Variants in LRP11 observed in about 807,000 individuals in gnomAD.
The protein encoded by LRP11 is LDL receptor related protein 11, also known as low-density lipoprotein receptor-related protein 11.
In LRP11, 25 loss-of-function variants were observed where a neutral mutation model predicts 43.1. The observed-to-expected ratio is 0.58, with a 90% CI of 0.42 to 0.81. The LOEUF is 0.81. Ranked by LOEUF, LRP11 falls within the 30% of genes least tolerant of loss-of-function variation. The pLI is 0.00. For synonymous variants in LRP11, 316 were observed against 299.4 expected (o/e 1.06, Z -0.57); for missense variants, 623 against 665.1 (o/e 0.94, Z 0.70).
chr6:149,849,176 C>T (rs895480679), intron 2 of LRP11, among the ~76,000 whole-genome samples: 8 of 152,162 alleles, frequency 5.3e-5, no homozygotes, highest in Admixed American at 2.0e-4. Flanking sequence ...AATCAATATA[C>T]TGATTTATGA....
rs750785477 is a variant in LRP11 at position 149,826,393 on chromosome 6, G to A, written c.1253-34C>T. The A allele has an allele frequency of 1.1e-5, 16 of 1,455,604 alleles. No individual in the cohort carries two copies. The South Asian group carries it at 1.2e-4, about 11-fold the overall frequency. The allele number at this position is 1,455,604 out of a possible 1,614,324, so 90.2% of individuals were successfully genotyped here. A position where few individuals can be genotyped will look rare whatever the true frequency, so the allele number is the denominator to read the frequency against. The stretch of plus-strand genomic sequence containing the variant: ...AAGAAAGAGAACATATATTGAAGGT[G>A]TATGCATCAGAAACTTCAGGAAACA... On this transcript the variant is annotated intron_variant, in intron 5 of 6. Transcript: ENST00000239367.
chr6:149,836,424 A>G (rs1583081426), intron 4 of LRP11, 127 bp from the exon 5 acceptor site: 1 of 728,018 alleles, frequency 1.4e-6, no homozygotes, highest in African/African-American at 1.8e-5. Flanking sequence ...CATCTAAGAC[A>G]TGTCAGAGGA....
At position 149,863,452 on chromosome 6, in the gene LRP11, G is replaced by C. The variant is rs1322161076; in HGVS notation, c.569C>G (p.Pro190Arg). The C allele has an allele frequency of 2.3e-6, 3 of 1,324,210 alleles. No homozygotes were observed. In the South Asian group the frequency reaches 6.5e-5, roughly 29 times the overall value. 82.0% of individuals were successfully genotyped at this position (1,324,210 alleles called of 1,614,324 possible). The change falls in exon 1 of 7, where the codon CCG becomes CGG. Residue 190 changes from proline to arginine, a missense_variant. Physicochemically the swap from Pro to Arg is moderately radical, Grantham distance 103 (BLOSUM62 -2). Coordinates refer to ENST00000239367, the MANE Select transcript of LRP11 (RefSeq NM_032832.6). ...CGCGGTGGCCAGGGCGGCGCCGTCC[G>C]GCGCGCGGCTGAGGCTGTAGCTGCT... Reference protein sequence around the residue: ...GYSSYSLSRAPDGAALATARA... With the variant: ...GYSSYSLSRARDGAALATARA...
chr6:149,860,296 G>A (rs1163100836), intron 1 of LRP11, among the ~76,000 whole-genome samples: 4 of 152,092 alleles, frequency 2.6e-5, no homozygotes, highest in Non-Finnish European at 4.4e-5. Context: ...CTGGACTTCA[G>A]GCTGAATATC....
At chr6:149,828,993 T>G (rs539786978) in intron 5 of LRP11, among the ~76,000 whole-genome samples, 47 of 152,230 alleles carry the variant, frequency 3.1e-4, no homozygotes, top group Admixed American at 1.3e-3. Context: ...ATTTGTTCTG[T>G]AGAGATATAA....
chr6:149,824,213 C>G (rs1776311200), intron 6 of LRP11, among the ~76,000 whole-genome samples: 1 of 152,152 alleles, frequency 6.6e-6, no homozygotes, highest in Admixed American at 6.5e-5. Context: ...GGTTATGAAG[C>G]TGTGGTTGAA....
intron 3 of LRP11, among the ~76,000 whole-genome samples, chr6:149,839,061 GTT>G (rs869148170): frequency 1.5e-5 from 2 of 136,980 alleles, no homozygotes; most frequent in Non-Finnish European, 3.2e-5. Context: ...GTTTTTTTTT[GTT>G]TTTTTTTTTT....
In LRP11 at chr6:149,827,901, A is replaced by G. The variant is rs1012016338; in HGVS notation, c.1253-1542T>C. Among the ~76,000 whole-genome samples the G allele has an allele frequency of 5.3e-5, 8 of 151,996 alleles. No homozygotes were observed. The highest frequency in any genetic ancestry group is 3.9e-4 in the Admixed American group (6 of 15,262). On this transcript the variant is annotated intron_variant, in intron 5 of 6. Coordinates refer to ENST00000239367, the MANE Select transcript of LRP11 (RefSeq NM_032832.6). This position sits in a 1 kb window ranked among gnomAD's most constrained non-coding sequence, Gnocchi z 4.2. Reference sequence around the variant, plus strand: ...TTAGCCAGGCATGGTGGGCGCCTGTAGTCCCAGCTGCTGGGGAGGCTGAGG... The same window carrying G: ...TTAGCCAGGCATGGTGGGCGCCTGTGGTCCCAGCTGCTGGGGAGGCTGAGG...
At chr6:149,841,699 G>A (rs1776551060) in intron 3 of LRP11, among the ~76,000 whole-genome samples, 1 of 152,120 alleles carries the variant, frequency 6.6e-6, no homozygotes, top group African/African-American at 2.4e-5. Context: ...GATCACCTGA[G>A]GTCAGGAATT....
chr6:149,863,777 C>T lies in LRP11; in HGVS notation c.244G>A (p.Gly82Ser). 2 of 1,479,994 alleles carry T rather than the reference C, an allele frequency of 1.4e-6. No individual in the cohort carries two copies. The highest frequency in any genetic ancestry group is 1.8e-6 in the Non-Finnish European group (2 of 1,122,246). The allele number at this position is 1,479,994 out of a possible 1,614,324, so 91.7% of individuals were successfully genotyped here. ...QEELELELRAGGGPQEDCPGP... is the reference protein window; with the variant it reads ...QEELELELRASGGPQEDCPGP... ...GGGCAGTCCTCCTGGGGGCCGCCGCCCGCGCGCAGCTCCAGCTCCAGCTCC... is the reference window on the plus strand; with the variant it reads ...GGGCAGTCCTCCTGGGGGCCGCCGCTCGCGCGCAGCTCCAGCTCCAGCTCC... Residue 82 changes from glycine (G) to serine (S), a missense_variant, in exon 1 of 7, where the codon GGC becomes AGC. Physicochemically the swap from Gly to Ser is moderately conservative, Grantham distance 56 (BLOSUM62 0). Transcript: ENST00000239367.
intron 6 of LRP11, among the ~76,000 whole-genome samples, chr6:149,822,931 T>TA (rs1776294875): frequency 6.6e-6 from 1 of 152,098 alleles, no homozygotes; most frequent in Non-Finnish European, 1.5e-5. Flanking sequence ...TGGGCCTAAA[T>TA]ATGTGGGAGC....
In LRP11 at chr6:149,823,084, CAGA is replaced by C. The variant is rs201870682; in HGVS notation, c.1349-2384_1349-2382del. Among the ~76,000 whole-genome samples the C allele has an allele frequency of 8.5e-3, 1,277 of 150,610 alleles. 9 individuals carry two copies. Among genetic ancestry groups the C allele is most frequent in the Non-Finnish European group, 0.013 (857 of 67,714 alleles). ...ACAAAAGCAGAGGACCAAAAAAAAA[CAGA>C]AGAAGACCAGTCAGAGAAATAGGAG... On this transcript the variant is annotated intron_variant, in intron 6 of 6. Transcript: ENST00000239367.
In LRP11 at chr6:149,819,975, C is replaced by G. The variant is rs1414774212; in HGVS notation, c.*574G>C. The G allele has an allele frequency of 6.6e-6, 1 of 152,396 alleles. No individual in the cohort carries two copies. Among genetic ancestry groups the G allele is most frequent in the Non-Finnish European group, 1.5e-5 (1 of 68,240 alleles). 9.4% of individuals were successfully genotyped at this position (152,396 alleles called of 1,614,324 possible). On this transcript the variant is annotated 3_prime_UTR_variant, in exon 7 of 7. Coordinates refer to ENST00000239367, the MANE Select transcript of LRP11 (RefSeq NM_032832.6). ...GACGTCAGAGGGATTAGGAAGGACC[C>G]ACACTCACCTTCCCTAAGGCTTACT...
chr6:149,852,762 A>G (rs1165445163), intron 2 of LRP11, among the ~76,000 whole-genome samples: 1 of 152,238 alleles, frequency 6.6e-6, no homozygotes, highest in Non-Finnish European at 1.5e-5. Context: ...CCTCTAGACA[A>G]GTCACAAACA....
At chr6:149,839,954 C>T (rs1413638407) in intron 3 of LRP11, among the ~76,000 whole-genome samples, 1 of 152,132 alleles carries the variant, frequency 6.6e-6, no homozygotes, top group Admixed American at 6.5e-5. Flanking sequence ...TCTTTCTCAC[C>T]CTAAAAATGT....
At chr6:149,845,104 G>A (rs1490446608) in intron 2 of LRP11, among the ~76,000 whole-genome samples, 1 of 152,188 alleles carries the variant, frequency 6.6e-6, no homozygotes, top group Admixed American at 6.5e-5. Flanking sequence ...CGTACCAGCT[G>A]GCTGATGATG....
At chr6:149,844,379 T>C (rs1776600687) in intron 2 of LRP11, among the ~76,000 whole-genome samples, 1 of 152,212 alleles carries the variant, frequency 6.6e-6, no homozygotes, top group Non-Finnish European at 1.5e-5. Context: ...CAGTCATTCA[T>C]TGCAGAAGCC....
chr6:149,823,750 G>A (rs891445440), intron 6 of LRP11, among the ~76,000 whole-genome samples: 9 of 152,178 alleles, frequency 5.9e-5, no homozygotes, highest in Admixed American at 1.3e-4. Flanking sequence ...GGATGGGAAA[G>A]CTGCTTTAGA....
chr6:149,848,446 G>A (rs1473606443), intron 2 of LRP11, among the ~76,000 whole-genome samples: 10 of 152,044 alleles, frequency 6.6e-5, no homozygotes, highest in Non-Finnish European at 1.5e-4. Context: ...TCACTGCAGC[G>A]CTATTCACAA....
Sources: gnomAD v4.1 joint callset for allele counts (sites outside exome capture counted in the v4.1 genomes callset) on GRCh38, gnomAD v4.1.1 for gene constraint, Gnocchi (gnomAD v3.1) non-coding constraint, MANE v1.5 for transcripts, NCBI Gene and HGNC (gene_info 2026-07-23, HGNC 2026-07-21) for gene names.